SCAF1: variants seen among roughly 807,000 people sequenced by gnomAD.
The protein encoded by SCAF1 is SR-related CTD associated factor 1.
In SCAF1, 28 loss-of-function variants were observed where a neutral mutation model predicts 91.2. The ratio of observed to expected loss-of-function variants is 0.31; its 90% CI spans 0.23 to 0.42. SCAF1 has a LOEUF of 0.42. SCAF1 is among the 10% of genes least tolerant of loss of function. The pLI, the probability that SCAF1 is intolerant of heterozygous loss-of-function variation, is 1.00. For missense variants in SCAF1, 1,893 were observed against 1,872.1 expected (o/e 1.01, Z -0.21); for synonymous variants, 1,036 against 833.7 (o/e 1.24, Z -4.18).
At chr19:49,643,525 C>A (rs1394503017) in intron 1 of SCAF1, among the ~76,000 whole-genome samples, 2 of 152,200 alleles carry the variant, frequency 1.3e-5, no homozygotes, top group Non-Finnish European at 2.9e-5. Flanking sequence ...TAGGACCTAG[C>A]AGTATCTGCA....
At chr19:49,654,139 G>A (rs1009899343) in intron 7 of SCAF1, among the ~76,000 whole-genome samples, 1 of 152,120 alleles carries the variant, frequency 6.6e-6, no homozygotes, top group East Asian at 1.9e-4. Flanking sequence ...GGCCAACCCC[G>A]CACCCACACA....
chr19:49,652,577 G>T lies in SCAF1; in HGVS notation c.2188G>T (p.Val730Phe), dbSNP rs748001011. Residue 730 changes from valine to phenylalanine, a missense_variant, in exon 7 of 11, where the codon GTC becomes TTC. Coordinates refer to ENST00000360565, the MANE Select transcript of SCAF1 (RefSeq NM_021228.3). ...TCCGGCCTCCTCACCTAAGCGGGAG[G>T]TCCTGTACGACTCCGAGGGACTGAG... ...PAPASSPKREVLYDSEGLSGE... is the reference protein window; with the variant it reads ...PAPASSPKREFLYDSEGLSGE... The T allele has an allele frequency of 6.4e-7, 1 of 1,571,120 alleles. No individual in the cohort carries two copies.
rs754721068 is a variant in SCAF1 at position 49,654,632 on chromosome 19, C to T, written c.3400-20C>T. ...CCTCCACCTCCCTTTACTCATCACC[C>T]CTCTGTCCTCGTCCCACAGATCCTC... On this transcript the variant is annotated intron_variant, in intron 8 of 10. Coordinates refer to ENST00000360565, the MANE Select transcript of SCAF1 (RefSeq NM_021228.3). 16 of 1,590,156 alleles carry T rather than the reference C, an allele frequency of 1.0e-5. No homozygotes were observed. The East Asian group carries it at 1.1e-4, about 11-fold the overall frequency.
At chr19:49,649,697 G>C (rs1037614174) in intron 6 of SCAF1, among the ~76,000 whole-genome samples, 3 of 151,932 alleles carry the variant, frequency 2.0e-5, no homozygotes, top group Admixed American at 6.6e-5. Flanking sequence ...CTTTCTCCAT[G>C]TTGGTCAGGC....
rs2122494712 is a variant in SCAF1 at position 49,652,211 on chromosome 19, C to T, written c.1822C>T (p.Arg608Trp). The change falls in exon 7 of 11, where the codon CGG becomes TGG. Residue 608 changes from arginine to tryptophan, a missense_variant. This residue lies in a region of SCAF1 where 1,436 missense variants were observed against 1,306.8 expected (regional missense o/e 1.10). Coordinates refer to ENST00000360565, the MANE Select transcript of SCAF1 (RefSeq NM_021228.3). ...GTCGCGGTCCCGGGAGAAGCGGCGA[C>T]GGCGGCGGCGCTCCGCCTCCCCGCC... The part of the protein sequence containing the change: ...RRSRSREKRR[R>W]RRRSASPPPA... 5 of 1,323,368 alleles carry T rather than the reference C, an allele frequency of 3.8e-6. No homozygotes were observed. The highest frequency in any genetic ancestry group is 4.8e-6 in the Non-Finnish European group (5 of 1,039,248). 82.0% of individuals were successfully genotyped at this position (1,323,368 alleles called of 1,614,324 possible).
In SCAF1 at chr19:49,651,962, C is replaced by G; in HGVS notation, c.1573C>G (p.Arg525Gly). The change falls in exon 7 of 11, where the codon CGC (arginine) becomes GGC (glycine). Residue 525 changes from arginine to glycine, a missense_variant. Around this residue, in one of 5 missense-constraint regions of SCAF1, gnomAD observed 1,436 missense variants for 1,306.8 expected, o/e 1.10. Coordinates refer to ENST00000360565, the MANE Select transcript of SCAF1 (RefSeq NM_021228.3). ...CAAGAAGTCCAGGCGGGAACGCAAG[C>G]GCAGCGGCGAGGCCAAGGAGGCCGC... ...TRKKSRRERK[R>G]SGEAKEAASS... 8.3e-7 allele frequency: 1 copy of G among 1,197,982 alleles called. No homozygotes were observed. The highest frequency in any genetic ancestry group is 1.0e-6 in the Non-Finnish European group (1 of 955,796). The allele number at this position is 1,197,982 out of a possible 1,614,324, so 74.2% of individuals were successfully genotyped here.
At chr19:49,655,340 C>T (rs1208034767) in intron 9 of SCAF1, among the ~76,000 whole-genome samples, 1 of 152,148 alleles carries the variant, frequency 6.6e-6, no homozygotes, top group African/African-American at 2.4e-5. Context: ...AGCTGTTTCT[C>T]TCTTGGTCAG....
upstream of SCAF1, among the ~76,000 whole-genome samples, chr19:49,641,878 A>G (rs2081027893): frequency 6.6e-6 from 1 of 152,114 alleles, no homozygotes; most frequent in African/African-American, 2.4e-5. Context: ...GGCGCCTCTT[A>G]CGTCACCTCC....
In SCAF1 at chr19:49,645,273, G is replaced by A. The variant is rs1160116941; in HGVS notation, c.109-81G>A. ...ACTTGAGTCTAGCTGTCAGTGTCTG[G>A]GATGTCTGTCTCCCAAGGGGCAGAG... On this transcript the variant is annotated intron_variant, in intron 2 of 10. Coordinates refer to ENST00000360565, the MANE Select transcript of SCAF1 (RefSeq NM_021228.3). The surrounding 1 kb of genome is among the most constrained non-coding windows in gnomAD (Gnocchi z 4.6). The A allele has an allele frequency of 9.7e-6, 15 of 1,545,626 alleles. No homozygotes were observed. Among genetic ancestry groups the A allele is most frequent in the East Asian group, 4.5e-5 (2 of 44,532 alleles).
rs1002996223 is a variant in SCAF1 at position 49,646,971 on chromosome 19, G to A, written c.478+141G>A. On this transcript the variant is annotated intron_variant, in intron 6 of 10. Coordinates refer to ENST00000360565, the MANE Select transcript of SCAF1 (RefSeq NM_021228.3). This position sits in a 1 kb window ranked among gnomAD's most constrained non-coding sequence, Gnocchi z 5.6. ...CTTCGTATTAGACGTGATTAAGGCT[G>A]TAGGCGCATACAGATGTACATAAAG... 6 of 659,018 alleles carry A rather than the reference G, an allele frequency of 9.1e-6. No homozygotes were observed. The South Asian group carries it at 9.6e-5, about 11-fold the overall frequency. The allele number at this position is 659,018 out of a possible 1,614,324, so 40.8% of individuals were successfully genotyped here. A position where few individuals can be genotyped will look rare whatever the true frequency, so the allele number is the denominator to read the frequency against.
rs770296749 is a variant in SCAF1, at chr19:49,652,744, T to TAGGGAC, written c.2365_2370dup (p.Asp789_Arg790dup). The TAGGGAC allele has an allele frequency of 6.2e-7, 1 of 1,608,490 alleles. No individual in the cohort carries two copies. Among genetic ancestry groups the TAGGGAC allele is most frequent in the South Asian group, 1.1e-5 (1 of 90,332 alleles). ...ACCGGGATCGGGACAGGGACAGAGA[T>TAGGGAC]AGGGACAGGGACAGGTCATCCAAGA... On this transcript the variant is annotated inframe_insertion, in exon 7 of 11. Coordinates refer to ENST00000360565, the MANE Select transcript of SCAF1 (RefSeq NM_021228.3).
chr19:49,645,158 C>G lies in SCAF1; in HGVS notation c.108+24C>G. ...TGGTGAGGCTGCTGGGCTCCTGGCA[C>G]TGAGGGATGGAGGAGCTGGGCATCC... is the stretch of plus-strand genomic sequence containing the variant. On this transcript the variant is annotated intron_variant, in intron 2 of 10. Coordinates refer to ENST00000360565, the MANE Select transcript of SCAF1 (RefSeq NM_021228.3). The surrounding 1 kb of genome is among the most constrained non-coding windows in gnomAD (Gnocchi z 4.6). 2 of 1,603,706 alleles carry G rather than the reference C, an allele frequency of 1.2e-6. No homozygotes were observed. The highest frequency in any genetic ancestry group is 1.7e-6 in the Non-Finnish European group (2 of 1,171,018).
rs1251288801 is a variant in SCAF1, at chr19:49,652,349, C to T, written c.1960C>T (p.Arg654Trp). The change falls in exon 7 of 11, where the codon CGG becomes TGG. Residue 654 changes from arginine to tryptophan, a missense_variant. By Grantham distance (101) the Arg-to-Trp change is moderately radical. This residue lies in a region of SCAF1 where 1,436 missense variants were observed against 1,306.8 expected (regional missense o/e 1.10). Coordinates refer to ENST00000360565, the MANE Select transcript of SCAF1 (RefSeq NM_021228.3). ...GCGGTCGCGGTCCCGGGGTGAGAAG[C>T]GGTCTGGGGATGGCAGCGAGAAGGC... Reference protein sequence around the residue: ...KKRSRSRGEKRSGDGSEKAPA... With the variant: ...KKRSRSRGEKWSGDGSEKAPA... 1.3e-6 allele frequency: 2 copies of T among 1,535,228 alleles called. No individual in the cohort carries two copies. Among genetic ancestry groups the T allele is most frequent in the Admixed American group, 2.0e-5 (1 of 49,066 alleles).
chr19:49,645,667 C>T lies in SCAF1; in HGVS notation c.166+256C>T, dbSNP rs956777873. On this transcript the variant is annotated intron_variant, in intron 3 of 10. Transcript: ENST00000360565. This position sits in a 1 kb window ranked among gnomAD's most constrained non-coding sequence, Gnocchi z 4.6. ...GGGAGACGGGTCAGGGCACCTTCCC[C>T]GAGCAGGGACAGTGAACGGCTCTCT... Among the ~76,000 whole-genome samples, 8 of 152,182 alleles carry T rather than the reference C, an allele frequency of 5.3e-5. No individual in the cohort carries two copies. The highest frequency in any genetic ancestry group is 1.3e-4 in the Admixed American group (2 of 15,278).
upstream of SCAF1, among the ~76,000 whole-genome samples, chr19:49,641,782 T>C (rs998334212): frequency 1.3e-5 from 2 of 152,214 alleles, no homozygotes; most frequent in African/African-American, 4.8e-5. Context: ...ATCTGGATTC[T>C]GAGAGCCCCA....
chr19:49,646,862 GGTCGTGGA>G lies in SCAF1; in HGVS notation c.478+35_478+42del. 1 of 1,554,848 alleles carries G rather than the reference GGTCGTGGA, an allele frequency of 6.4e-7. No individual in the cohort carries two copies. The highest frequency in any genetic ancestry group is 8.8e-7 in the Non-Finnish European group (1 of 1,141,058). ...GGGGCCAGGGCGGAGCTGGGCAGGT[GGTCGTGGA>G]GTTGTGTGGGGATCGGCTGTTTTTG... is the stretch of plus-strand genomic sequence containing the variant. On this transcript the variant is annotated intron_variant, in intron 6 of 10. Transcript: ENST00000360565. This position sits in a 1 kb window ranked among gnomAD's most constrained non-coding sequence, Gnocchi z 5.6.
At chr19:49,657,934 G>C (rs564069915) in intron 10 of SCAF1, 45 bp downstream of exon 10, 1 of 1,595,004 alleles carries the variant, frequency 6.3e-7, no homozygotes, top group Non-Finnish European at 8.5e-7. Context: ...GGGAGAGAAC[G>C]AGCTGGAGGG....
chr19:49,651,700 T>C lies in SCAF1; in HGVS notation c.1311T>C (p.Ala437=). 7.2e-7 allele frequency: 1 copy of C among 1,384,890 alleles called. No individual in the cohort carries two copies. The highest frequency in any genetic ancestry group is 9.3e-7 in the Non-Finnish European group (1 of 1,080,920). The allele number at this position is 1,384,890 out of a possible 1,614,324, so 85.8% of individuals were successfully genotyped here. A position where few individuals can be genotyped will look rare whatever the true frequency, so the allele number is the denominator to read the frequency against. ...CCCAGCCCCTTCCTCAGCCTCCCGC[T>C]CCGCGGGCCCCCGAGGGGGACGACT... ...PTAQPLPQPP[A]PRAPEGDDFL... is the part of the protein sequence containing the mutation. Residue 437 remains alanine (A), a synonymous_variant, in exon 7 of 11, where the codon GCT becomes GCC. Transcript: ENST00000360565.
At position 49,653,684 on chromosome 19, in the gene SCAF1, A is replaced by G; in HGVS notation, c.3295A>G (p.Thr1099Ala). 6.3e-7 allele frequency: 1 copy of G among 1,578,360 alleles called. No individual in the cohort carries two copies. The highest frequency in any genetic ancestry group is 1.8e-5 in the Admixed American group (1 of 56,354). The part of the protein sequence containing the change: ...PWNLPAGVDC[T>A]TSGVLALTAL... Reference sequence around the variant, plus strand: ...GAATCTGCCAGCTGGTGTGGACTGCACCACCAGCGGCGTCCTGGCCTGTGA... The same window carrying G: ...GAATCTGCCAGCTGGTGTGGACTGCGCCACCAGCGGCGTCCTGGCCTGTGA... The change falls in exon 7 of 11, where the codon ACC becomes GCC. Residue 1099 changes from threonine to alanine, a missense_variant. This residue lies in a region of SCAF1 where 1,436 missense variants were observed against 1,306.8 expected (regional missense o/e 1.10). Coordinates refer to ENST00000360565, the MANE Select transcript of SCAF1 (RefSeq NM_021228.3).
Sources: allele counts gnomAD v4.1 joint callset (sites outside exome capture counted in the v4.1 genomes callset), GRCh38; gene constraint gnomAD v4.1.1; regional missense constraint gnomAD v4.1.1; non-coding constraint Gnocchi (gnomAD v3.1); transcripts MANE v1.5; gene names NCBI Gene and HGNC (gene_info 2026-07-23, HGNC 2026-07-21).